MIPEP: variants seen among roughly 807,000 people sequenced by gnomAD.
The protein encoded by MIPEP is mitochondrial intermediate peptidase.
MIPEP carries 79 observed loss-of-function variants against 90.3 expected under a neutral mutation model. The ratio of observed to expected loss-of-function variants is 0.87; its 90% CI spans 0.73 to 1.05. The LOEUF (loss-of-function observed/expected upper bound fraction) is 1.05. Among genes scored for constraint, MIPEP ranks in the 50% least tolerant of loss-of-function variants. The pLI, the probability that MIPEP is intolerant of heterozygous loss-of-function variation, is 0.00. For synonymous variants in MIPEP, 334 were observed against 315.8 expected (o/e 1.06, Z -0.61); for missense variants, 940 against 905.6 (o/e 1.04, Z -0.49).
intron 18 of MIPEP, among the ~76,000 whole-genome samples, chr13:23,751,144 T>C (rs1404426306): frequency 6.6e-6 from 1 of 152,232 alleles, no homozygotes; most frequent in Non-Finnish European, 1.5e-5. Context: ...GATATCTTCA[T>C]TGTTTGCATT....
chr13:23,812,821 T>G (rs1352135133), intron 14 of MIPEP, among the ~76,000 whole-genome samples: 1 of 152,228 alleles, frequency 6.6e-6, no homozygotes, highest in African/African-American at 2.4e-5. Flanking sequence ...AAGTACCCAA[T>G]TATCTATTCA....
At chr13:23,867,518 A>G (rs1870595975) in intron 7 of MIPEP, among the ~76,000 whole-genome samples, 1 of 152,174 alleles carries the variant, frequency 6.6e-6, no homozygotes, top group Admixed American at 6.5e-5. Context: ...GTATTAACTA[A>G]TAACATACCA....
intron 14 of MIPEP, among the ~76,000 whole-genome samples, chr13:23,811,545 T>C (rs1315657227): frequency 1.3e-5 from 2 of 152,186 alleles, no homozygotes; most frequent in East Asian, 3.8e-4. Flanking sequence ...AAACAATAGA[T>C]ACACTTAAAC....
chr13:23,889,199 G>C lies in MIPEP; in HGVS notation c.122C>G (p.Ser41Cys). 1 of 1,464,936 alleles carries C rather than the reference G, an allele frequency of 6.8e-7. No homozygotes were observed. The allele number at this position is 1,464,936 out of a possible 1,614,324, so 90.7% of individuals were successfully genotyped here. A position where few individuals can be genotyped will look rare whatever the true frequency, so the allele number is the denominator to read the frequency against. Residue 41 changes from serine (S) to cysteine (C), a missense_variant, in exon 1 of 19, where the codon TCT becomes TGT. Physicochemically the swap from Ser to Cys is moderately radical, Grantham distance 112 (BLOSUM62 -1). Coordinates refer to ENST00000382172, the MANE Select transcript of MIPEP (RefSeq NM_005932.4). ...IRARRVSTSW[S>C]PVGAAFNVKP... is the part of the protein sequence containing the mutation. Reference sequence around the variant, plus strand: ...GACATTGAAGGCGGCGCCCACGGGAGACCAGCTGGTGCTGACCCTTCGGGC... The same window carrying C: ...GACATTGAAGGCGGCGCCCACGGGACACCAGCTGGTGCTGACCCTTCGGGC...
intron 16 of MIPEP, among the ~76,000 whole-genome samples, chr13:23,771,076 C>T (rs961815457): frequency 6.6e-6 from 1 of 152,188 alleles, no homozygotes; most frequent in Non-Finnish European, 1.5e-5. Context: ...ACAGTAAATC[C>T]GGGATCACTG....
rs550878232 is a variant in MIPEP at position 23,861,052 on chromosome 13, C to G, written c.1053+1250G>C. On this transcript the variant is annotated intron_variant, in intron 9 of 18. Coordinates refer to ENST00000382172, the MANE Select transcript of MIPEP (RefSeq NM_005932.4). ...GGGGCTCAAGAATTTGCATTTCTAACAGGCTCCCATGTGATGCTACTGCTT... is the reference window on the plus strand; with the variant it reads ...GGGGCTCAAGAATTTGCATTTCTAAGAGGCTCCCATGTGATGCTACTGCTT... Among the ~76,000 whole-genome samples the G allele has an allele frequency of 2.0e-5, 3 of 152,220 alleles. No homozygotes were observed. In the South Asian group the frequency reaches 6.2e-4, roughly 32 times the overall value.
chr13:23,803,364 AAACAACAAC>A (rs556587564), intron 16 of MIPEP, among the ~76,000 whole-genome samples: 1 of 151,960 alleles, frequency 6.6e-6, no homozygotes, highest in African/African-American at 2.4e-5. Context: ...CTCCATCTCA[AAACAACAAC>A]AACAACAACA....
chr13:23,817,761 T>C (rs923342611), intron 14 of MIPEP, among the ~76,000 whole-genome samples: 20 of 152,288 alleles, frequency 1.3e-4, no homozygotes, highest in Middle Eastern at 3.4e-3. Context: ...TCAGGTATGC[T>C]GCCCCTTGAT....
At chr13:23,811,469 T>C (rs1799342517) in intron 14 of MIPEP, among the ~76,000 whole-genome samples, 1 of 152,146 alleles carries the variant, frequency 6.6e-6, no homozygotes, top group African/African-American at 2.4e-5. Flanking sequence ...CCTTCCTGCT[T>C]GTTTGGGGAC....
intron 16 of MIPEP, among the ~76,000 whole-genome samples, chr13:23,784,409 T>C (rs1431280348): frequency 6.6e-6 from 1 of 152,184 alleles, no homozygotes; most frequent in Admixed American, 6.5e-5. Context: ...CTTTAATAAA[T>C]GGTGCTGGGA....
intron 17 of MIPEP, 134 bp downstream of exon 17, chr13:23,759,961 GT>G (rs1163297070): frequency 2.1e-5 from 23 of 1,112,328 alleles, no homozygotes; most frequent in Non-Finnish European, 3.0e-5. Context: ...GCGAGGCTGT[GT>G]GGGGAGCCTG....
intron 16 of MIPEP, among the ~76,000 whole-genome samples, chr13:23,790,604 G>C (rs902574060): frequency 6.6e-6 from 1 of 152,194 alleles, no homozygotes; most frequent in Non-Finnish European, 1.5e-5. Context: ...GAGGCAATGT[G>C]ATGAGGGAAG....
At chr13:23,872,074 T>C (rs1870834783) in intron 5 of MIPEP, among the ~76,000 whole-genome samples, 1 of 152,260 alleles carries the variant, frequency 6.6e-6, no homozygotes. Flanking sequence ...ATCTGAACTC[T>C]TGAAAAATTC....
At chr13:23,835,698 AC>A (rs1349034523) in intron 14 of MIPEP, among the ~76,000 whole-genome samples, 11 of 152,232 alleles carry the variant, frequency 7.2e-5, no homozygotes, top group Admixed American at 6.5e-4. Flanking sequence ...AGTGTAAGGT[AC>A]CTCACATTTT....
At chr13:23,888,304 G>A (rs1035587948) in intron 1 of MIPEP, among the ~76,000 whole-genome samples, 2 of 152,062 alleles carry the variant, frequency 1.3e-5, no homozygotes, top group African/African-American at 4.8e-5. Flanking sequence ...ACTGATAATG[G>A]AGATAAAACA....
intron 16 of MIPEP, among the ~76,000 whole-genome samples, chr13:23,775,440 T>A (rs1593146848): frequency 6.6e-6 from 1 of 152,172 alleles, no homozygotes; most frequent in Non-Finnish European, 1.5e-5. Flanking sequence ...TGATTCCTTA[T>A]CCGCAGTTAC....
At chr13:23,806,761 T>TATC (rs1299913205) in intron 15 of MIPEP, among the ~76,000 whole-genome samples, 2 of 151,346 alleles carry the variant, frequency 1.3e-5, no homozygotes, top group African/African-American at 4.9e-5. Context: ...TCTATCTATC[T>TATC]ATCTGTAGGC....
At chr13:23,815,950 C>T (rs1468907553) in intron 14 of MIPEP, among the ~76,000 whole-genome samples, 1 of 152,184 alleles carries the variant, frequency 6.6e-6, no homozygotes, top group East Asian at 1.9e-4. Flanking sequence ...TCTCTCTCTT[C>T]TGACGATCAA....
rs145832996 is a variant in MIPEP, at chr13:23,837,585, T to C, written c.1510A>G (p.Met504Val). Reference sequence around the variant, plus strand: ...TGTTGGTAACGAGTACGTCCTAGCATTGAATGCATGGCATGTCCCATTTCA... The same window carrying C: ...TGTTGGTAACGAGTACGTCCTAGCACTGAATGCATGGCATGTCCCATTTCA... ...FHEMGHAMHS[M>V]LGRTRYQHVT... Residue 504 changes from methionine (M) to valine (V), a missense_variant, in exon 13 of 19, where the codon ATG becomes GTG. Physicochemically the swap from Met to Val is conservative, Grantham distance 21. Transcript: ENST00000382172. 172 of 1,614,050 alleles carry C rather than the reference T, an allele frequency of 1.1e-4. 1 individual carries two copies. The African/African-American group carries it at 2.0e-3, about 18-fold the overall frequency.
Sources: allele counts gnomAD v4.1 joint callset (sites outside exome capture counted in the v4.1 genomes callset), GRCh38; gene constraint gnomAD v4.1.1; transcripts MANE v1.5; gene names NCBI Gene and HGNC (gene_info 2026-07-23, HGNC 2026-07-21).